The following GLIS3 variants were observed in gnomAD, a reference collection of about 807,000 sequenced individuals.
GLIS3 encodes the protein GLIS family zinc finger 3, also known as zinc finger protein GLIS3.
A neutral mutation model predicts 78.6 loss-of-function variants in GLIS3; 53 were observed. The observed-to-expected ratio is 0.67, with a 90% CI of 0.54 to 0.85. The LOEUF (loss-of-function observed/expected upper bound fraction) is 0.85, where lower values mean the gene tolerates loss of function less well. Among genes scored for constraint, GLIS3 ranks in the 40% least tolerant of loss-of-function variants. The pLI is 0.00. For synonymous variants in GLIS3, 684 were observed against 509.9 expected (o/e 1.34, Z -4.60); for missense variants, 1,703 against 1,231.1 (o/e 1.38, Z -5.74).
chr9:4,202,152 C>CTTTTT (rs71324286), intron 2 of GLIS3, among the ~76,000 whole-genome samples: 5 of 125,440 alleles, frequency 4.0e-5, no homozygotes, highest in African/African-American at 9.0e-5. Context: ...CCCCCTTTTT[C>CTTTTT]TTTTTTTTTT....
At chr9:4,353,219 C>G (rs568612024), upstream of GLIS3, among the ~76,000 whole-genome samples, 1 of 152,336 alleles carries the variant, frequency 6.6e-6, no homozygotes, top group South Asian at 2.1e-4. Context: ...AGTAAGCAGA[C>G]TTCTGTACCC....
At chr9:3,904,766 G>A (rs1218068280) in intron 6 of GLIS3, among the ~76,000 whole-genome samples, 1 of 152,128 alleles carries the variant, frequency 6.6e-6, no homozygotes, top group Admixed American at 6.5e-5. Context: ...ATACTATTGT[G>A]ACTTCCACTG....
chr9:4,058,187 C>G (rs967879829), intron 4 of GLIS3, among the ~76,000 whole-genome samples: 1 of 151,980 alleles, frequency 6.6e-6, no homozygotes, highest in Non-Finnish European at 1.5e-5. Flanking sequence ...AGCCTAGCTT[C>G]TTGGGTCACT....
rs187884827 is a variant in GLIS3 at position 3,985,425 on chromosome 9, G to A, written c.1711-48236C>T. Among the ~76,000 whole-genome samples the A allele has an allele frequency of 8.7e-4, 133 of 152,326 alleles. 1 individual carries two copies. Among genetic ancestry groups the A allele is most frequent in the Non-Finnish European group, 1.2e-4 (8 of 68,030 alleles). On this transcript the variant is annotated intron_variant, in intron 4 of 10. Coordinates refer to ENST00000381971, the MANE Select transcript of GLIS3 (RefSeq NM_001042413.2). ...AGCCTCCCAAGGTGCTGGGATTACA[G>A]GTGTAAGCCACTGCACCCAGCCCCA... is the stretch of plus-strand genomic sequence containing the variant.
chr9:4,064,189 G>T (rs1394587054), intron 4 of GLIS3, among the ~76,000 whole-genome samples: 1 of 151,954 alleles, frequency 6.6e-6, no homozygotes, highest in Non-Finnish European at 1.5e-5. Context: ...CCTATTTACT[G>T]AGGAAAAAAT....
chr9:4,215,600 T>C (rs910747848), intron 2 of GLIS3, among the ~76,000 whole-genome samples: 2 of 152,236 alleles, frequency 1.3e-5, no homozygotes, highest in Admixed American at 1.3e-4. Flanking sequence ...TATAATGCTA[T>C]CGCCTGGGTC....
intron 2 of GLIS3, among the ~76,000 whole-genome samples, chr9:4,148,788 A>G (rs1834433564): frequency 6.6e-6 from 1 of 152,180 alleles, no homozygotes; most frequent in Admixed American, 6.5e-5. Flanking sequence ...AAAAATAAAA[A>G]TAAAATAAAC....
At chr9:4,232,372 C>G (rs74438110) in intron 2 of GLIS3, among the ~76,000 whole-genome samples, 2,554 of 118,960 alleles carry the variant, frequency 0.021, 34 homozygotes, top group Middle Eastern at 0.065. Context: ...CAGAGGCAGA[C>G]CTTGTCTCTT....
chr9:4,241,307 T>G (rs1163283375), intron 2 of GLIS3, among the ~76,000 whole-genome samples: 2 of 152,166 alleles, frequency 1.3e-5, no homozygotes, highest in Non-Finnish European at 2.9e-5. Context: ...AGACTTGTAT[T>G]TTATGTTTTA....
At chr9:4,367,876 C>T in the GLIS3 span, among the ~76,000 whole-genome samples, 1 of 152,092 alleles carries the variant, frequency 6.6e-6, no homozygotes, top group Non-Finnish European at 1.5e-5. Context: ...TCATTTAATA[C>T]AACGAGGGAA....
intron 2 of GLIS3, among the ~76,000 whole-genome samples, chr9:4,240,645 T>G (rs1230595013): frequency 6.6e-6 from 1 of 152,100 alleles, no homozygotes; most frequent in African/African-American, 2.4e-5. Flanking sequence ...AGTAAAAAAG[T>G]TAGAAGAAAT....
At chr9:4,246,695 G>C (rs576016085) in intron 2 of GLIS3, among the ~76,000 whole-genome samples, 1 of 152,238 alleles carries the variant, frequency 6.6e-6, no homozygotes, top group Admixed American at 6.5e-5. Context: ...ATATGTAAGA[G>C]CTGGTCTCAT....
At chr9:4,435,692 G>A in the GLIS3 span, among the ~76,000 whole-genome samples, 1 of 152,214 alleles carries the variant, frequency 6.6e-6, no homozygotes, top group Non-Finnish European at 1.5e-5. Flanking sequence ...GCTCACGCCT[G>A]TAATCCCAGC....
chr9:3,972,807 A>C (rs1818480222), intron 4 of GLIS3, among the ~76,000 whole-genome samples: 1 of 152,202 alleles, frequency 6.6e-6, no homozygotes, highest in Non-Finnish European at 1.5e-5. Flanking sequence ...AAAATGATTT[A>C]AGAGAGACTT....
chr9:3,840,027 C>T (rs956703162), intron 9 of GLIS3, among the ~76,000 whole-genome samples: 1 of 152,144 alleles, frequency 6.6e-6, no homozygotes, highest in Non-Finnish European at 1.5e-5. Context: ...CCAGATGACC[C>T]ATTAACGAAT....
chr9:4,096,130 T>C (rs879787454), intron 4 of GLIS3, among the ~76,000 whole-genome samples: 1 of 152,104 alleles, frequency 6.6e-6, no homozygotes, highest in Admixed American at 6.5e-5. Context: ...GATAAATTCA[T>C]TGACCAAAGG....
rs528164953 is a variant in GLIS3, at chr9:4,291,562, T to C, written c.-98-5039A>G. Among the ~76,000 whole-genome samples, 10 of 152,122 alleles carry C rather than the reference T, an allele frequency of 6.6e-5. 1 individual carries two copies. The South Asian group carries it at 2.1e-3, about 32-fold the overall frequency. The stretch of plus-strand genomic sequence containing the variant: ...ATTAATGGCTATGACATTCAAAATA[T>C]GGGTAGTAAATATGAACAGGACACA... On this transcript the variant is annotated intron_variant, in intron 1 of 10. Coordinates refer to ENST00000381971, the MANE Select transcript of GLIS3 (RefSeq NM_001042413.2).
intron 8 of GLIS3, among the ~76,000 whole-genome samples, chr9:3,866,929 ATTTGC>A (rs1456820811): frequency 6.6e-6 from 1 of 152,142 alleles, no homozygotes; most frequent in Non-Finnish European, 1.5e-5. Flanking sequence ...GTTAGAGGCT[ATTTGC>A]TTAAGATGGG....
the GLIS3 span, among the ~76,000 whole-genome samples, chr9:4,461,000 T>C: frequency 3.9e-5 from 6 of 152,178 alleles, no homozygotes; most frequent in Non-Finnish European, 8.8e-5. Context: ...ATTAAGAATT[T>C]TTAAAGACTA....
Sources: gnomAD v4.1 joint callset for allele counts (sites outside exome capture counted in the v4.1 genomes callset) on GRCh38, gnomAD v4.1.1 for gene constraint, MANE v1.5 for transcripts, NCBI Gene and HGNC (gene_info 2026-07-23, HGNC 2026-07-21) for gene names.